KCTD20: variants seen among roughly 807,000 people sequenced by gnomAD.
KCTD20 encodes BTB/POZ domain-containing protein KCTD20.
KCTD20 carries 30 observed loss-of-function variants against 39.6 expected under a neutral mutation model. That is an observed-to-expected ratio of 0.76 (90% CI 0.57 to 1.03). KCTD20 has a LOEUF of 1.03. KCTD20 is among the 50% of genes least tolerant of loss of function. The pLI, the probability that KCTD20 is intolerant of heterozygous loss-of-function variation, is 0.00. For synonymous variants in KCTD20, 162 were observed against 180.6 expected (o/e 0.90, Z 0.83); for missense variants, 422 against 522.0 (o/e 0.81, Z 1.87).
intron 1 of KCTD20, among the ~76,000 whole-genome samples, chr6:36,468,740 G>A (rs1251580338): frequency 1.3e-5 from 2 of 152,168 alleles, no homozygotes; most frequent in Non-Finnish European, 2.9e-5. Flanking sequence ...GAAAAAAGCT[G>A]TAGTCACATT....
At chr6:36,454,908 A>G (rs372541816) in intron 1 of KCTD20, among the ~76,000 whole-genome samples, 2 of 151,418 alleles carry the variant, frequency 1.3e-5, no homozygotes, top group Non-Finnish European at 2.9e-5. Context: ...TTGGCCTCCC[A>G]AAGTGCTAGG....
At chr6:36,456,067 T>C (rs1048103728) in intron 1 of KCTD20, among the ~76,000 whole-genome samples, 1 of 152,210 alleles carries the variant, frequency 6.6e-6, no homozygotes, top group Admixed American at 6.5e-5. Context: ...GATGTTTTTT[T>C]TCTGTTTTAC....
chr6:36,462,672 T>C, intron 1 of KCTD20, among the ~76,000 whole-genome samples: 1 of 152,364 alleles, frequency 6.6e-6, no homozygotes, highest in Middle Eastern at 3.4e-3. Flanking sequence ...ATCATTTCTG[T>C]ATTATGTAAC....
chr6:36,473,173 G>A (rs1024751216), intron 2 of KCTD20, among the ~76,000 whole-genome samples: 7 of 151,808 alleles, frequency 4.6e-5, no homozygotes, highest in Admixed American at 4.6e-4. Context: ...CCATTCACCT[G>A]CCTCAGCCTC....
rs887672987 is a variant in KCTD20 at position 36,490,631 on chromosome 6, T to C, written c.*3456T>C. ...GGGAGGCCAAGGTGGGAGGATCACT[T>C]GAGGTCAGGAGTTTCAGACTGGCCT... On this transcript the variant is annotated 3_prime_UTR_variant, in exon 8 of 8. Transcript: ENST00000373731. 1 of 152,184 alleles carries C rather than the reference T, an allele frequency of 6.6e-6. No individual in the cohort carries two copies. The highest frequency in any genetic ancestry group is 1.5e-5 in the Non-Finnish European group (1 of 68,156). The allele number at this position is 152,184 out of a possible 1,614,324, so 9.4% of individuals were successfully genotyped here.
intron 1 of KCTD20, among the ~76,000 whole-genome samples, chr6:36,449,120 C>T (rs1775150009): frequency 6.6e-6 from 1 of 152,164 alleles, no homozygotes; most frequent in South Asian, 2.1e-4. Context: ...GGAAGGGGTT[C>T]TGAGCGGGCT....
Position 36,488,797 on chromosome 6 carries a change from C to T in KCTD20, c.*1622C>T, listed in dbSNP as rs1776500045. The T allele has an allele frequency of 6.6e-6, 1 of 152,628 alleles. No homozygotes were observed. The highest frequency in any genetic ancestry group is 1.5e-5 in the Non-Finnish European group (1 of 68,040). 9.5% of individuals were successfully genotyped at this position (152,628 alleles called of 1,614,324 possible). A position where few individuals can be genotyped will look rare whatever the true frequency, so the allele number is the denominator to read the frequency against. ...ATAAAAGCCAGGTAGATGTTGAAAG[C>T]TCTTTCCAGGGCTGAAAAAGTGTTC... On this transcript the variant is annotated 3_prime_UTR_variant, in exon 8 of 8. Coordinates refer to ENST00000373731, the MANE Select transcript of KCTD20 (RefSeq NM_173562.5).
At chr6:36,459,282 G>A (rs765119379) in intron 1 of KCTD20, among the ~76,000 whole-genome samples, 4 of 152,166 alleles carry the variant, frequency 2.6e-5, no homozygotes, top group Non-Finnish European at 5.9e-5. Context: ...CTGCACTCCA[G>A]CCTGGGCAAC....
chr6:36,462,042 T>G (rs1775617313), intron 1 of KCTD20, among the ~76,000 whole-genome samples: 1 of 152,174 alleles, frequency 6.6e-6, no homozygotes, highest in Non-Finnish European at 1.5e-5. Context: ...TTGCCAAGCT[T>G]GTGTAGTTTT....
chr6:36,474,423 A>G (rs1776002450), intron 2 of KCTD20, among the ~76,000 whole-genome samples: 1 of 152,230 alleles, frequency 6.6e-6, no homozygotes, highest in Non-Finnish European at 1.5e-5. Flanking sequence ...AACCAACACC[A>G]GGGAAGGTAT....
At chr6:36,461,031 AATAATAT>A (rs1369407708) in intron 1 of KCTD20, among the ~76,000 whole-genome samples, 1 of 152,168 alleles carries the variant, frequency 6.6e-6, no homozygotes, top group Non-Finnish European at 1.5e-5. Flanking sequence ...AAAGTACTTA[AATAATAT>A]ATAGTGCATG....
intron 1 of KCTD20, among the ~76,000 whole-genome samples, chr6:36,461,617 A>G (rs1212034897): frequency 1.3e-5 from 2 of 152,230 alleles, no homozygotes; most frequent in African/African-American, 4.8e-5. Context: ...AGTAACTCAC[A>G]TAGCCTTTTA....
intron 1 of KCTD20, among the ~76,000 whole-genome samples, chr6:36,446,780 G>A (rs1275290921): frequency 6.6e-6 from 1 of 152,206 alleles, no homozygotes; most frequent in Admixed American, 6.6e-5. Context: ...AAGAAAGAGG[G>A]CCTTTTGATG....
rs970111952 is a variant in KCTD20, at chr6:36,488,307, G to C, written c.*1132G>C. ...TATACCAATGTCATCCCCAAAGGAA[G>C]GGTGAGCTGAATGGAAATTAAGCCC... On this transcript the variant is annotated 3_prime_UTR_variant, in exon 8 of 8. Transcript: ENST00000373731. 6.6e-6 allele frequency: 1 copy of C among 152,182 alleles called. No homozygotes were observed. The highest frequency in any genetic ancestry group is 1.5e-5 in the Non-Finnish European group (1 of 68,038). The allele number at this position is 152,182 out of a possible 1,614,324, so 9.4% of individuals were successfully genotyped here.
chr6:36,457,815 T>C lies in KCTD20; in HGVS notation c.-46-12237T>C, dbSNP rs112462771. Among the ~76,000 whole-genome samples the C allele has an allele frequency of 5.0e-3, 763 of 152,348 alleles. 5 individuals are homozygous for C. The highest frequency in any genetic ancestry group is 0.011 in the African/African-American group (459 of 41,584). On this transcript the variant is annotated intron_variant, in intron 1 of 7. Transcript: ENST00000373731. ...AAGGGTTGGAAGTGATGGAAGGATA[T>C]GTTTTTCCGGGGGTAGGATTAAACT... is the stretch of plus-strand genomic sequence containing the variant.
At chr6:36,448,409 C>T (rs1419751093) in intron 1 of KCTD20, among the ~76,000 whole-genome samples, 3 of 152,166 alleles carry the variant, frequency 2.0e-5, no homozygotes, top group Admixed American at 6.5e-5. Context: ...GTAACTTACA[C>T]CTCTATGTGA....
chr6:36,455,750 G>A (rs866645761), intron 1 of KCTD20, among the ~76,000 whole-genome samples: 17 of 152,184 alleles, frequency 1.1e-4, no homozygotes, highest in South Asian at 2.1e-4. Context: ...TCTAGGATAG[G>A]AGCAAAAGCT....
intron 2 of KCTD20, 134 bp downstream of exon 2, chr6:36,470,391 A>G (rs1239731983): frequency 3.4e-5 from 27 of 802,442 alleles, no homozygotes; most frequent in Non-Finnish European, 5.2e-5. Flanking sequence ...TCACAATTAC[A>G]TAAAGCTGAC....
intron 6 of KCTD20, among the ~76,000 whole-genome samples, chr6:36,482,600 G>T (rs553732446): frequency 1.3e-5 from 2 of 151,854 alleles, no homozygotes; most frequent in Non-Finnish European, 2.9e-5. Context: ...TGGCTCTATA[G>T]TGTTCCTTTG....
Sources: allele counts gnomAD v4.1 joint callset (sites outside exome capture counted in the v4.1 genomes callset), GRCh38; gene constraint gnomAD v4.1.1; transcripts MANE v1.5; gene names NCBI Gene and HGNC (gene_info 2026-07-23, HGNC 2026-07-21).